CERS6: variants seen among roughly 807,000 people sequenced by gnomAD.
CERS6 encodes the protein ceramide synthase 6, also known as LAG1 homolog, ceramide synthase 6.
In CERS6, 26 loss-of-function variants were observed where a neutral mutation model predicts 56.8. The observed-to-expected ratio is 0.46, with a 90% CI of 0.34 to 0.63. The LOEUF is 0.63. Ranked by LOEUF, CERS6 falls within the 30% of genes least tolerant of loss-of-function variation. The pLI is 0.01. For synonymous variants in CERS6, 164 were observed against 173.3 expected (o/e 0.95, Z 0.42); for missense variants, 415 against 467.5 (o/e 0.89, Z 1.04).
At chr2:168,635,234 A>G (rs758498638) in intron 4 of CERS6, among the ~76,000 whole-genome samples, 5 of 152,168 alleles carry the variant, frequency 3.3e-5, no homozygotes, top group Non-Finnish European at 7.4e-5. Context: ...AGAGCCATGG[A>G]GCCAGAGAAG....
intron 1 of CERS6, among the ~76,000 whole-genome samples, chr2:168,468,013 A>G (rs1204750820): frequency 6.6e-6 from 1 of 152,156 alleles, no homozygotes; most frequent in Non-Finnish European, 1.5e-5. Flanking sequence ...TGAAACCCCA[A>G]TCTTTTCAGC....
chr2:168,755,515 A>G (rs1481837778), intron 8 of CERS6, among the ~76,000 whole-genome samples: 1 of 152,158 alleles, frequency 6.6e-6, no homozygotes, highest in African/African-American at 2.4e-5. Flanking sequence ...GTGGGCTGTG[A>G]TCAGTGCAAT....
intron 4 of CERS6, among the ~76,000 whole-genome samples, chr2:168,644,702 A>G (rs539526388): frequency 2.9e-4 from 44 of 152,236 alleles, no homozygotes; most frequent in African/African-American, 1.0e-3. Flanking sequence ...CAGGTAAACC[A>G]TTTCCTCCTT....
At chr2:168,764,273 G>T (rs1684665513) in intron 8 of CERS6, among the ~76,000 whole-genome samples, 1 of 151,992 alleles carries the variant, frequency 6.6e-6, no homozygotes, top group Admixed American at 6.6e-5. Context: ...CTCCCTAGTA[G>T]CTGGGACTAC....
chr2:168,658,386 C>G (rs994992987), intron 4 of CERS6, among the ~76,000 whole-genome samples: 11 of 152,172 alleles, frequency 7.2e-5, no homozygotes, highest in African/African-American at 2.7e-4. Context: ...ATTCAGAGCA[C>G]TTGTCTGAAA....
intron 4 of CERS6, among the ~76,000 whole-genome samples, chr2:168,674,106 A>G (rs1282121591): frequency 6.6e-6 from 1 of 152,192 alleles, no homozygotes; most frequent in Non-Finnish European, 1.5e-5. Context: ...TAACATTTTA[A>G]AAAGCAAGTC....
chr2:168,469,576 G>A (rs1174254436), intron 1 of CERS6, among the ~76,000 whole-genome samples: 1 of 152,142 alleles, frequency 6.6e-6, no homozygotes, highest in Non-Finnish European at 1.5e-5. Context: ...AGACAACAGT[G>A]GTGTCCTGAA....
At chr2:168,603,373 G>A (rs1044885093) in intron 3 of CERS6, among the ~76,000 whole-genome samples, 5 of 152,172 alleles carry the variant, frequency 3.3e-5, no homozygotes, top group African/African-American at 1.2e-4. Context: ...GCAACCCAGT[G>A]AATATTTGCA....
chr2:168,513,275 A>G (rs1694827218), intron 1 of CERS6, among the ~76,000 whole-genome samples: 1 of 152,218 alleles, frequency 6.6e-6, no homozygotes, highest in Non-Finnish European at 1.5e-5. Flanking sequence ...CCCATGTTAC[A>G]ATTTATGAAC....
At chr2:168,665,676 G>A (rs1015177693) in intron 4 of CERS6, among the ~76,000 whole-genome samples, 2 of 152,036 alleles carry the variant, frequency 1.3e-5, no homozygotes, top group Admixed American at 1.3e-4. Context: ...GAAGCTCTGT[G>A]AGGCCAAGTA....
intron 1 of CERS6, among the ~76,000 whole-genome samples, chr2:168,496,490 G>A (rs749070584): frequency 1.3e-5 from 2 of 152,066 alleles, no homozygotes; most frequent in East Asian, 3.9e-4. Context: ...CCATGAGAGG[G>A]GATTCTTGTC....
At chr2:168,683,427 G>A (rs1324001817) in intron 4 of CERS6, among the ~76,000 whole-genome samples, 1 of 152,148 alleles carries the variant, frequency 6.6e-6, no homozygotes, top group Admixed American at 6.5e-5. Flanking sequence ...ATATTTAAAT[G>A]TTTTAATCAC....
At chr2:168,463,279 C>A (rs980999826) in intron 1 of CERS6, among the ~76,000 whole-genome samples, 1 of 152,054 alleles carries the variant, frequency 6.6e-6, no homozygotes, top group Admixed American at 6.5e-5. Context: ...TTATATTTAG[C>A]CTTTTGCCAT....
At chr2:168,591,486 A>G (rs191300028) in intron 3 of CERS6, among the ~76,000 whole-genome samples, 4 of 152,352 alleles carry the variant, frequency 2.6e-5, no homozygotes, top group African/African-American at 7.2e-5. Context: ...TGTGTGTCTC[A>G]CCCTTGAAAT....
rs1457077489 is a variant in CERS6, at chr2:168,694,981, A to G, written c.539A>G (p.Tyr180Cys). Residue 180 changes from tyrosine (Y) to cysteine (C), a missense_variant, in exon 6 of 10, where the codon TAC (tyrosine) becomes TGC (cysteine). Transcript: ENST00000305747. ...CAGCCACTCACAACTGACCTTCACT[A>G]CTATTACATCCTGGAGCTGTCGTTT... is the stretch of plus-strand genomic sequence containing the variant. ...PYQPLTTDLH[Y>C]YYILELSFYW... The G allele has an allele frequency of 6.2e-7, 1 of 1,613,358 alleles. No individual in the cohort carries two copies. The highest frequency in any genetic ancestry group is 1.7e-5 in the Admixed American group (1 of 59,976).
intron 1 of CERS6, 123 bp from the exon 2 acceptor site, chr2:168,547,473 A>G: frequency 1.6e-6 from 1 of 606,516 alleles, no homozygotes; most frequent in Non-Finnish European, 2.9e-6. Flanking sequence ...TTGACAATGT[A>G]CACCCATGAA....
chr2:168,736,004 A>T (rs1274400328), intron 8 of CERS6, among the ~76,000 whole-genome samples: 2 of 152,070 alleles, frequency 1.3e-5, no homozygotes, highest in Non-Finnish European at 2.9e-5. Context: ...CCAGGAGTTT[A>T]AGACTAGCCT....
chr2:168,587,285 T>C (rs1309033281), intron 3 of CERS6, among the ~76,000 whole-genome samples: 1 of 152,226 alleles, frequency 6.6e-6, no homozygotes, highest in Non-Finnish European at 1.5e-5. Flanking sequence ...CATATTACAC[T>C]TTGAGATTTG....
intron 1 of CERS6, among the ~76,000 whole-genome samples, chr2:168,517,820 T>G (rs375588239): frequency 1.3e-5 from 2 of 152,344 alleles, no homozygotes; most frequent in East Asian, 3.8e-4. Flanking sequence ...TTTTGATTAT[T>G]TGTTGGAAGA....
Sources: allele counts gnomAD v4.1 joint callset (sites outside exome capture counted in the v4.1 genomes callset), GRCh38; gene constraint gnomAD v4.1.1; transcripts MANE v1.5; gene names NCBI Gene and HGNC (gene_info 2026-07-23, HGNC 2026-07-21).